Variants in SETD1A observed in about 807,000 individuals in gnomAD.
SETD1A encodes the protein SET domain containing 1A, histone lysine methyltransferase.
SETD1A carries 29 observed loss-of-function variants against 149.9 expected under a neutral mutation model. The ratio of observed to expected loss-of-function variants is 0.19; its 90% CI spans 0.14 to 0.26. The LOEUF is 0.26. Ranked by LOEUF, SETD1A falls within the 10% of genes least tolerant of loss-of-function variation. The pLI is 1.00. For synonymous variants in SETD1A, 1,141 were observed against 968.5 expected, an observed-to-expected ratio of 1.18 and a Z score of -3.31; for missense variants, 2,109 against 2,353.1, an observed-to-expected ratio of 0.90 and a Z score of 2.15.
chr16:30,983,550 G>A lies in SETD1A; in HGVS notation c.4813-85G>A, dbSNP rs537573592. 1.8e-5 allele frequency: 27 copies of A among 1,488,216 alleles called. No individual in the cohort carries two copies. Among genetic ancestry groups the A allele is most frequent in the East Asian group, 7.0e-5 (3 of 43,120 alleles). The allele number at this position is 1,488,216 out of a possible 1,614,324, so 92.2% of individuals were successfully genotyped here. On this transcript the variant is annotated intron_variant, in intron 17 of 18. Coordinates refer to ENST00000262519, the MANE Select transcript of SETD1A (RefSeq NM_014712.3). This position sits in a 1 kb window ranked among gnomAD's most constrained non-coding sequence, Gnocchi z 6.8. ...AGCTGCAGCTCCAGGCCTGGTGGGC[G>A]TGGACCTGGGGTGCTGGCTGGCAGG...
chr16:30,973,923 A>G (rs1005609295), intron 13 of SETD1A, among the ~76,000 whole-genome samples: 1 of 152,132 alleles, frequency 6.6e-6, no homozygotes, highest in Non-Finnish European at 1.5e-5. Context: ...GTCCTCTTCC[A>G]TTCTCATCAG....
chr16:30,969,108 A>C (rs772693147), intron 10 of SETD1A, among the ~76,000 whole-genome samples, 197 bp from the exon 11 acceptor site: 13 of 152,198 alleles, frequency 8.5e-5, no homozygotes, highest in East Asian at 5.8e-4. Context: ...ACCCCGTCCC[A>C]AAAACAAAAA....
chr16:30,976,457 G>A (rs1253952740), intron 13 of SETD1A, among the ~76,000 whole-genome samples: 6 of 152,178 alleles, frequency 3.9e-5, no homozygotes, highest in Non-Finnish European at 7.3e-5. Flanking sequence ...GCTGCTGGCT[G>A]GCTCCACAGG....
rs771507111 is a variant in SETD1A, at chr16:30,980,479, C to G, written c.4409-6C>G. 8.1e-6 allele frequency: 13 copies of G among 1,612,012 alleles called. No individual in the cohort carries two copies. The South Asian group carries it at 1.2e-4, about 15-fold the overall frequency. ...AGGAGCCGTTCTCTTCCTTAACACCCTGCACTCACCAACCTGACCACCCCA... is the reference window on the plus strand; with the variant it reads ...AGGAGCCGTTCTCTTCCTTAACACCGTGCACTCACCAACCTGACCACCCCA... On this transcript the variant is annotated splice_region_variant and splice_polypyrimidine_tract_variant and intron_variant, in intron 14 of 18. Coordinates refer to ENST00000262519, the MANE Select transcript of SETD1A (RefSeq NM_014712.3). The surrounding 1 kb of genome is among the most constrained non-coding windows in gnomAD (Gnocchi z 7.7).
intron 3 of SETD1A, among the ~76,000 whole-genome samples, chr16:30,960,784 G>A (rs2056042598): frequency 7.6e-6 from 1 of 132,038 alleles, no homozygotes; most frequent in Non-Finnish European, 1.5e-5. Context: ...TGCCCAGGCT[G>A]GAGTGCAGTG....
Position 30,980,070 on chromosome 16 carries a change from T to C in SETD1A, c.4284T>C (p.Tyr1428=). 1 of 1,611,382 alleles carries C rather than the reference T, an allele frequency of 6.2e-7. No homozygotes were observed. Among genetic ancestry groups the C allele is most frequent in the Admixed American group, 1.7e-5 (1 of 59,862 alleles). Residue 1428 remains tyrosine (Y), a synonymous_variant, in exon 14 of 19, where the codon TAT becomes TAC. Transcript: ENST00000262519. The surrounding 1 kb of genome is among the most constrained non-coding windows in gnomAD (Gnocchi z 7.7). ...RSEFEQMTIL[Y]DIWNSGLDSE... is the part of the protein sequence containing the mutation. ...AGTTTGAACAGATGACCATCCTGTA[T>C]GACATTTGGAACTCGGGCCTGGACT... is the stretch of plus-strand genomic sequence containing the variant.
At chr16:30,981,028 G>T in intron 16 of SETD1A, 33 bp from the exon 17 acceptor site, 1 of 1,613,124 alleles carries the variant, frequency 6.2e-7, no homozygotes. Flanking sequence ...TGTGGGAGGT[G>T]TCTGGCAGTT....
At chr16:30,960,730 C>CTTTTTTTTTTTTTTTTTTTT (rs71374043) in intron 3 of SETD1A, among the ~76,000 whole-genome samples, 2 of 80,554 alleles carry the variant, frequency 2.5e-5, no homozygotes, top group East Asian at 3.6e-4. Flanking sequence ...TTCTTTCTTT[C>CTTTTTTTTTTTTTTTTTTTT]TTTTTTTTTT....
At chr16:30,981,862 G>C (rs1234562542) in intron 17 of SETD1A, among the ~76,000 whole-genome samples, 1 of 152,118 alleles carries the variant, frequency 6.6e-6, no homozygotes, top group Non-Finnish European at 1.5e-5. Context: ...GAGGTGGGAG[G>C]ATCACTCGAG....
chr16:30,973,247 G>GA (rs888768044), intron 13 of SETD1A, among the ~76,000 whole-genome samples: 18 of 152,090 alleles, frequency 1.2e-4, no homozygotes, highest in South Asian at 8.3e-4. Flanking sequence ...TGTATGTTTC[G>GA]AAAAAATGCA....
chr16:30,978,620 A>T (rs1394939469), intron 13 of SETD1A, among the ~76,000 whole-genome samples: 1 of 152,242 alleles, frequency 6.6e-6, no homozygotes, highest in Non-Finnish European at 1.5e-5. Flanking sequence ...GGCAAGTTTC[A>T]TAAAATATTT....
chr16:30,980,307 TC>T lies in SETD1A; in HGVS notation c.4408+114del. Reference sequence around the variant, plus strand: ...TCCCCTCTGGCTCCAAGCCATCTTTTCTCTCCTCCTGGTGCCTCTTTTCTGC... The same window carrying T: ...TCCCCTCTGGCTCCAAGCCATCTTTTTCTCCTCCTGGTGCCTCTTTTCTGC... On this transcript the variant is annotated intron_variant, in intron 14 of 18. Coordinates refer to ENST00000262519, the MANE Select transcript of SETD1A (RefSeq NM_014712.3). The surrounding 1 kb of genome is among the most constrained non-coding windows in gnomAD (Gnocchi z 7.7). 1 of 1,443,130 alleles carries T rather than the reference TC, an allele frequency of 6.9e-7. No individual in the cohort carries two copies. Among genetic ancestry groups the T allele is most frequent in the South Asian group, 1.4e-5 (1 of 70,694 alleles). The allele number at this position is 1,443,130 out of a possible 1,614,324, so 89.4% of individuals were successfully genotyped here. A position where few individuals can be genotyped will look rare whatever the true frequency, so the allele number is the denominator to read the frequency against.
At position 30,980,381 on chromosome 16, in the gene SETD1A, CT is replaced by C; in HGVS notation, c.4409-103del. On this transcript the variant is annotated intron_variant, in intron 14 of 18. Coordinates refer to ENST00000262519, the MANE Select transcript of SETD1A (RefSeq NM_014712.3). The surrounding 1 kb of genome is among the most constrained non-coding windows in gnomAD (Gnocchi z 7.7). ...AACGATGGGGCTGGGGCTTCCTCCC[CT>C]GTCCCTCACCTGGGTATGCTCAGCG... 1 of 1,478,578 alleles carries C rather than the reference CT, an allele frequency of 6.8e-7. No individual in the cohort carries two copies. Among genetic ancestry groups the C allele is most frequent in the Non-Finnish European group, 9.1e-7 (1 of 1,095,628 alleles). 91.6% of individuals were successfully genotyped at this position (1,478,578 alleles called of 1,614,324 possible).
At position 30,969,459 on chromosome 16, in the gene SETD1A, G is replaced by A. The variant is rs1485358828; in HGVS notation, c.2925G>A (p.Glu975=). The change falls in exon 11 of 19, where the codon GAG becomes GAA. Residue 975 remains glutamate (E), a synonymous_variant. Coordinates refer to ENST00000262519, the MANE Select transcript of SETD1A (RefSeq NM_014712.3). ...GEEASQESSS[E]KDEEDDEEDE... is the part of the protein sequence containing the mutation. ...AGGCATCCCAGGAGTCCTCCTCGGAGAAGGTGAGGGCCCGGGCGCCGGCTC... is the reference window on the plus strand; with the variant it reads ...AGGCATCCCAGGAGTCCTCCTCGGAAAAGGTGAGGGCCCGGGCGCCGGCTC... 1 of 1,609,570 alleles carries A rather than the reference G, an allele frequency of 6.2e-7. No individual in the cohort carries two copies. The highest frequency in any genetic ancestry group is 1.3e-5 in the African/African-American group (1 of 74,838).
chr16:30,980,364 G>A lies in SETD1A; in HGVS notation c.4409-121G>A. 6.9e-7 allele frequency: 1 copy of A among 1,458,736 alleles called. No individual in the cohort carries two copies. Among genetic ancestry groups the A allele is most frequent in the Non-Finnish European group, 9.2e-7 (1 of 1,081,098 alleles). 90.4% of individuals were successfully genotyped at this position (1,458,736 alleles called of 1,614,324 possible). ...AAAGCATTTCTGGCAGGAACGATGG[G>A]GCTGGGGCTTCCTCCCCTGTCCCTC... is the stretch of plus-strand genomic sequence containing the variant. On this transcript the variant is annotated intron_variant, in intron 14 of 18. Transcript: ENST00000262519. The surrounding 1 kb of genome is among the most constrained non-coding windows in gnomAD (Gnocchi z 7.7).
chr16:30,969,554 G>A (rs762889626), intron 11 of SETD1A, 48 bp from the exon 12 acceptor site: 12 of 1,603,904 alleles, frequency 7.5e-6, no homozygotes, highest in Non-Finnish European at 1.0e-5. Flanking sequence ...CCTGGTGTAG[G>A]ACCAGTTGTC....
Position 30,981,064 on chromosome 16 carries a change from C to T in SETD1A, c.4696C>T (p.Arg1566Trp). Residue 1566 changes from arginine to tryptophan, a missense_variant, in exon 17 of 19, where the codon CGG (arginine) becomes TGG (tryptophan). Physicochemically the swap from Arg to Trp is moderately radical, Grantham distance 101 (BLOSUM62 -3). This residue lies in a region of SETD1A where 254 missense variants were observed against 409.3 expected (regional missense o/e 0.62). Transcript: ENST00000262519. The stretch of plus-strand genomic sequence containing the variant: ...GAGTCTCCCTTCTGCCCCCCAGTTC[C>T]GGAAGAAGAAGCTCCGATTTGGCCG... Reference protein sequence around the residue: ...DLLKLNQLKFRKKKLRFGRSR... With the variant: ...DLLKLNQLKFWKKKLRFGRSR... 1.2e-6 allele frequency: 2 copies of T among 1,614,122 alleles called. No homozygotes were observed. Among genetic ancestry groups the T allele is most frequent in the Non-Finnish European group, 1.7e-6 (2 of 1,179,984 alleles).
chr16:30,979,080 G>A (rs1177527888), intron 13 of SETD1A, 65 bp from the exon 14 acceptor site: 2 of 1,459,088 alleles, frequency 1.4e-6, no homozygotes, highest in African/African-American at 2.8e-5. Context: ...GTGGTCATGG[G>A]CGGCCAGGGT....
At chr16:30,971,322 C>T in intron 12 of SETD1A, 56 bp from the exon 13 acceptor site, 3 of 1,518,474 alleles carry the variant, frequency 2.0e-6, no homozygotes, top group South Asian at 1.3e-5. Flanking sequence ...GAGGAGCCCA[C>T]GGCTGGCCAA....
Sources: gnomAD v4.1 joint callset for allele counts (sites outside exome capture counted in the v4.1 genomes callset) on GRCh38, gnomAD v4.1.1 for gene constraint, gnomAD v4.1.1 regional missense constraint, Gnocchi (gnomAD v3.1) non-coding constraint, MANE v1.5 for transcripts, NCBI Gene and HGNC (gene_info 2026-07-23, HGNC 2026-07-21) for gene names.